SWAP70: variants seen among roughly 807,000 people sequenced by gnomAD.
SWAP70 encodes switch-associated protein 70.
Under a neutral mutation model 80.2 loss-of-function variants are expected in SWAP70, and 34 were observed. That is an observed-to-expected ratio of 0.42 (90% CI 0.32 to 0.56). The LOEUF (loss-of-function observed/expected upper bound fraction) is 0.56, where lower values mean the gene tolerates loss of function less well. SWAP70 is among the 20% of genes least tolerant of loss of function. The probability of loss-of-function intolerance (pLI) is 0.09; values close to 1 mark genes in which losing one functional copy is unlikely to be tolerated. For synonymous variants in SWAP70, 239 were observed against 238.5 expected (o/e 1.00, Z -0.02); for missense variants, 578 against 690.7 (o/e 0.84, Z 1.83).
Position 9,749,111 on chromosome 11 carries a change from G to A in SWAP70, c.1579G>A (p.Ala527Thr), listed in dbSNP as rs1164972775. The part of the protein sequence containing the change: ...YEEVKKKLEM[A>T]TNKTKSWKDK... ...GGAAGTTAAAAAGAAGCTGGAGATG[G>A]CAACTAATAAGACCAAGAGCTGGAA... The change falls in exon 11 of 12, where the codon GCA (alanine) becomes ACA (threonine). Residue 527 changes from alanine to threonine, a missense_variant. Physicochemically the swap from Ala to Thr is moderately conservative, Grantham distance 58 (BLOSUM62 0). Transcript: ENST00000318950. The A allele has an allele frequency of 1.9e-6, 3 of 1,612,436 alleles. No homozygotes were observed. Among genetic ancestry groups the A allele is most frequent in the Non-Finnish European group, 2.5e-6 (3 of 1,179,110 alleles).
In SWAP70 at chr11:9,688,982, A is replaced by G. The variant is rs1402853729; in HGVS notation, c.100-5164A>G. 2.0e-5 allele frequency among the ~76,000 whole-genome samples: 3 copies of G among 152,192 alleles called. No individual in the cohort carries two copies. The East Asian group carries it at 5.8e-4, about 29-fold the overall frequency. The stretch of plus-strand genomic sequence containing the variant: ...TTGCCATTGGCTTGAAATTTTATAA[A>G]TCAGACAGGAATTTTAATGTTTTAA... On this transcript the variant is annotated intron_variant, in intron 1 of 11. Coordinates refer to ENST00000318950, the MANE Select transcript of SWAP70 (RefSeq NM_015055.4).
At chr11:9,666,190 A>C (rs573710035) in intron 1 of SWAP70, among the ~76,000 whole-genome samples, 3 of 150,292 alleles carry the variant, frequency 2.0e-5, no homozygotes, top group Admixed American at 1.3e-4. Flanking sequence ...GGTTCTAGAG[A>C]TTCTCGTGCC....
chr11:9,742,129 C>T (rs1851448752), intron 9 of SWAP70, among the ~76,000 whole-genome samples: 1 of 151,956 alleles, frequency 6.6e-6, no homozygotes, highest in Non-Finnish European at 1.5e-5. Context: ...TTTGCACACT[C>T]TGATTTAAGC....
rs927050094 is a variant in SWAP70, at chr11:9,740,251, G to A, written c.1259G>A (p.Arg420Gln). The A allele has an allele frequency of 4.3e-6, 7 of 1,614,046 alleles. No homozygotes were observed. Among genetic ancestry groups the A allele is most frequent in the South Asian group, 3.3e-5 (3 of 91,088 alleles). The change falls in exon 9 of 12, where the codon CGG (arginine) becomes CAG (glutamine). Residue 420 changes from arginine to glutamine, a missense_variant. Physicochemically the swap from Arg to Gln is conservative, Grantham distance 43. Transcript: ENST00000318950. ...SELEQYLQRV[R>Q]ELEDMYLKLQ... ...CTGGAACAGTATTTACAGCGAGTAC[G>A]GGAGCTGGAAGACATGTACCTAAAG... is the stretch of plus-strand genomic sequence containing the variant.
chr11:9,683,215 A>G (rs1382749976), intron 1 of SWAP70, among the ~76,000 whole-genome samples: 1 of 151,584 alleles, frequency 6.6e-6, no homozygotes, highest in African/African-American at 2.4e-5. Context: ...CCTGGACAAC[A>G]TGGTGAAACC....
intron 9 of SWAP70, among the ~76,000 whole-genome samples, chr11:9,742,932 G>T: frequency 1.4e-5 from 2 of 147,308 alleles, no homozygotes; most frequent in Non-Finnish European, 3.0e-5. Flanking sequence ...AAGTTTTAGG[G>T]TACATGTGCA....
intron 2 of SWAP70, among the ~76,000 whole-genome samples, chr11:9,708,926 C>T (rs563852866): frequency 2.0e-5 from 3 of 152,208 alleles, no homozygotes; most frequent in East Asian, 1.9e-4. Context: ...GACAGAGTTG[C>T]GCTCTGTCAC....
intron 9 of SWAP70, chr11:9,741,922 G>A (rs1490340896): frequency 1.0e-5 from 1 of 99,094 alleles, no homozygotes; most frequent in Non-Finnish European, 2.1e-5. Context: ...TGAGCAACAT[G>A]GTGAAACCTC....
chr11:9,707,886 A>ATTT (rs34942425), intron 2 of SWAP70, among the ~76,000 whole-genome samples: 56 of 151,794 alleles, frequency 3.7e-4, no homozygotes, highest in Admixed American at 1.5e-3. Flanking sequence ...TTAAAAAAAA[A>ATTT]TTTTTTTAAA....
At chr11:9,677,330 A>C (rs1258859118) in intron 1 of SWAP70, among the ~76,000 whole-genome samples, 1 of 152,168 alleles carries the variant, frequency 6.6e-6, no homozygotes, top group African/African-American at 2.4e-5. Flanking sequence ...AATACAGTAC[A>C]TACAATTCTA....
At chr11:9,664,548 G>T (rs1850285858) in intron 1 of SWAP70, among the ~76,000 whole-genome samples, 1 of 152,264 alleles carries the variant, frequency 6.6e-6, no homozygotes, top group South Asian at 2.1e-4. Flanking sequence ...AGGCTGGGGT[G>T]AAGTCTGGAG....
At chr11:9,690,902 A>G (rs1164328925) in intron 1 of SWAP70, among the ~76,000 whole-genome samples, 2 of 151,880 alleles carry the variant, frequency 1.3e-5, no homozygotes, top group Non-Finnish European at 2.9e-5. Flanking sequence ...CATATATATT[A>G]TAATTAATTA....
chr11:9,732,566 C>T lies in SWAP70; in HGVS notation c.936C>T (p.Ser312=). ...HSTIHLLKLG[S]PPPHKEARQR... Reference sequence around the variant, plus strand: ...CTATTCATCTGTTGAAGCTGGGCAGCCCTCCACCACACAAAGAAGCCCGCC... The same window carrying T: ...CTATTCATCTGTTGAAGCTGGGCAGTCCTCCACCACACAAAGAAGCCCGCC... Residue 312 remains serine, a synonymous_variant, in exon 7 of 12, where the codon AGC becomes AGT. Coordinates refer to ENST00000318950, the MANE Select transcript of SWAP70 (RefSeq NM_015055.4). The T allele has an allele frequency of 1.9e-6, 3 of 1,606,734 alleles. No homozygotes were observed. Among genetic ancestry groups the T allele is most frequent in the Non-Finnish European group, 2.6e-6 (3 of 1,175,928 alleles).
At chr11:9,666,089 G>T (rs866955914) in intron 1 of SWAP70, among the ~76,000 whole-genome samples, 1,355 of 126,116 alleles carry the variant, frequency 0.011, 8 homozygotes, top group Admixed American at 0.021. Flanking sequence ...TTAGTTTTTT[G>T]TTTTTTTTTT....
chr11:9,732,199 T>G (rs1159924524), intron 6 of SWAP70, among the ~76,000 whole-genome samples: 1 of 152,226 alleles, frequency 6.6e-6, no homozygotes, highest in Admixed American at 6.5e-5. Flanking sequence ...CTTAAAAATG[T>G]GTGCAATATT....
chr11:9,740,400 C>T (rs1265535326), intron 9 of SWAP70, 53 bp downstream of exon 9: 2 of 1,574,774 alleles, frequency 1.3e-6, no homozygotes. Flanking sequence ...TGGGCTAATA[C>T]AGTTTCTTGG....
chr11:9,693,867 A>G (rs978108484), intron 1 of SWAP70, among the ~76,000 whole-genome samples: 12 of 151,898 alleles, frequency 7.9e-5, no homozygotes, highest in African/African-American at 2.4e-4. Flanking sequence ...AAATTAGTAA[A>G]AGACCACAGG....
Position 9,671,786 on chromosome 11 carries a change from T to TAAATATGTTATA in SWAP70, c.99+7508_99+7509insAAATATGTTATA, listed in dbSNP as rs202131469. Among the ~76,000 whole-genome samples, 2 of 76,684 alleles carry TAAATATGTTATA rather than the reference T, an allele frequency of 2.6e-5. 1 individual carries two copies. Among genetic ancestry groups the TAAATATGTTATA allele is most frequent in the Non-Finnish European group, 4.4e-5 (2 of 45,296 alleles). The allele number at this position is 76,684 out of a possible 152,430, so 50.3% of individuals were successfully genotyped here. A position where few individuals can be genotyped will look rare whatever the true frequency, so the allele number is the denominator to read the frequency against. On this transcript the variant is annotated intron_variant, in intron 1 of 11. Transcript: ENST00000318950. Reference sequence around the variant, plus strand: ...TATATAATATAAATATAATATATTATTATTTATAAATATATATAAATATAA... The same window carrying TAAATATGTTATA: ...TATATAATATAAATATAATATATTATAAATATGTTATATATTTATAAATATATATAAATATAA...
At chr11:9,705,084 GCACTGGTGATATGTA>G (rs2134460632) in intron 2 of SWAP70, among the ~76,000 whole-genome samples, 1 of 126,256 alleles carries the variant, frequency 7.9e-6, no homozygotes, top group African/African-American at 3.9e-5. Context: ...TGATCTGTAT[GCACTGGTGATATGTA>G]TATACTTGGT....
Sources: allele counts gnomAD v4.1 joint callset (sites outside exome capture counted in the v4.1 genomes callset), GRCh38; gene constraint gnomAD v4.1.1; transcripts MANE v1.5; gene names NCBI Gene and HGNC (gene_info 2026-07-23, HGNC 2026-07-21).